ATP7A: variants seen among roughly 807,000 people sequenced by gnomAD.
The protein encoded by ATP7A is ATPase copper transporting alpha.
Under a neutral mutation model 83.5 loss-of-function variants are expected in ATP7A, and 7 were observed. The ratio of observed to expected loss-of-function variants is 0.08; its 90% confidence interval spans 0.05 to 0.16. ATP7A has a LOEUF of 0.16. Ranked by LOEUF, ATP7A falls within the 10% of genes least tolerant of loss-of-function variation. ATP7A has a pLI of 1.00. For missense variants in ATP7A, 940 were observed against 1,120.8 expected, an observed-to-expected ratio of 0.84 and a Z score of 2.30; for synonymous variants, 354 against 395.2, an observed-to-expected ratio of 0.90 and a Z score of 1.24.
chrX:77,953,188 TAGAAGTAAATTTGTCTTAGA>T (rs1346762828), intron 1 of ATP7A, among the ~76,000 whole-genome samples: 4 of 112,409 alleles, frequency 3.6e-5, no homozygotes, highest in Non-Finnish European at 7.5e-5. Flanking sequence ...TATTTTGTCT[TAGAAGTAAATTTGTCTTAGA>T]AGAAAGCAAT....
chrX:78,044,083 C>T lies in ATP7A; in HGVS notation c.4123+649C>T, dbSNP rs1015782571. ...CAGCCTGACCAACATGGAGAAACCC[C>T]GTCTCTACTAAAAATACAAAATTAG... On this transcript the variant is annotated intron_variant, in intron 21 of 22. Transcript: ENST00000341514. Among the ~76,000 whole-genome samples, 22 of 106,647 alleles carry T rather than the reference C, an allele frequency of 2.1e-4. No individual in the cohort carries two copies. In the East Asian group the frequency reaches 6.7e-3, roughly 32 times the overall value. The allele number at this position is 106,647 out of a possible 115,157, so 92.6% of individuals were successfully genotyped here.
chrX:77,926,334 ATATT>A (rs1179357329), intron 1 of ATP7A, among the ~76,000 whole-genome samples: 2 of 111,581 alleles, frequency 1.8e-5, no homozygotes, highest in African/African-American at 6.5e-5. Context: ...AATCTAGTCA[ATATT>A]TATTTATTTA....
chrX:77,949,165 CA>C lies in ATP7A; in HGVS notation c.-21-22455del, dbSNP rs782376353. The stretch of plus-strand genomic sequence containing the variant: ...TTGGCCTCCCAAAATGCTAGGATTA[CA>C]GGCGTGAGCCACTGCGCCCGGCCTT... On this transcript the variant is annotated intron_variant, in intron 1 of 22. Coordinates refer to ENST00000341514, the MANE Select transcript of ATP7A (RefSeq NM_000052.7). Among the ~76,000 whole-genome samples, 3 of 112,017 alleles carry C rather than the reference CA, an allele frequency of 2.7e-5. No homozygotes were observed. In the South Asian group the frequency reaches 1.1e-3, roughly 41 times the overall value.
intron 7 of ATP7A, among the ~76,000 whole-genome samples, chrX:78,010,812 T>C (rs144809879): frequency 0.051 from 5,533 of 109,395 alleles, 148 homozygotes; most frequent in Non-Finnish European, 0.079. Context: ...AACTCCTGAC[T>C]TTGTGATTTG....
chrX:78,013,130 G>A lies in ATP7A; in HGVS notation c.2406+18G>A, dbSNP rs1243579823. On this transcript the variant is annotated intron_variant, in intron 10 of 22. Coordinates refer to ENST00000341514, the MANE Select transcript of ATP7A (RefSeq NM_000052.7). ...TAGCAAAGGTAAAGTAAGAAAGGGT[G>A]ACATTTGTTAAAATGTTGGGTGGAT... The A allele has an allele frequency of 3.2e-5, 37 of 1,174,356 alleles. No homozygotes were observed. The highest frequency in any genetic ancestry group is 3.9e-5 in the Non-Finnish European group (34 of 862,892).
intron 1 of ATP7A, among the ~76,000 whole-genome samples, chrX:77,937,190 T>C (rs1441257326): frequency 3.6e-5 from 4 of 112,413 alleles, no homozygotes; most frequent in African/African-American, 1.3e-4. Flanking sequence ...TATATGGTGG[T>C]AGGAGGTATT....
chrX:77,939,033 C>T (rs782515633), intron 1 of ATP7A, among the ~76,000 whole-genome samples: 37 of 111,680 alleles, frequency 3.3e-4, no homozygotes, highest in Middle Eastern at 4.6e-3. Context: ...TGGTGGCTCA[C>T]ACCTGTAATC....
intron 12 of ATP7A, among the ~76,000 whole-genome samples, chrX:78,017,437 A>T (rs1269957125): frequency 8.9e-6 from 1 of 112,215 alleles, no homozygotes; most frequent in Admixed American, 9.5e-5. Flanking sequence ...GGCGATTAAC[A>T]TTTGGCTCCT....
intron 1 of ATP7A, among the ~76,000 whole-genome samples, chrX:77,931,374 T>C: frequency 8.9e-6 from 1 of 111,798 alleles, no homozygotes; most frequent in Non-Finnish European, 1.9e-5. Context: ...AGAATTTTTC[T>C]TAGTACGGAA....
intron 6 of ATP7A, 147 bp from the exon 7 acceptor site, chrX:78,008,955 G>A: frequency 1.8e-6 from 1 of 566,173 alleles, no homozygotes; most frequent in Non-Finnish European, 2.9e-6. Flanking sequence ...GGCGGAGGTT[G>A]CAGTGAGCCG....
chrX:77,950,285 A>G (rs1243350733), intron 1 of ATP7A, among the ~76,000 whole-genome samples: 1 of 112,030 alleles, frequency 8.9e-6, no homozygotes, highest in Non-Finnish European at 1.9e-5. Context: ...CCTTCCTCCC[A>G]CAACACACAT....
chrX:78,009,032 A>G, intron 6 of ATP7A, 70 bp from the exon 7 acceptor site: 1 of 1,106,842 alleles, frequency 9.0e-7, no homozygotes, highest in East Asian at 3.0e-5. Context: ...AAAAAAAAAA[A>G]AAAGTGGTAA....
intron 1 of ATP7A, chrX:77,968,812 G>A: frequency 8.4e-7 from 1 of 1,197,016 alleles, no homozygotes; most frequent in Non-Finnish European, 1.1e-6. Flanking sequence ...CAGGTGGGAG[G>A]GGCAGAGGGA....
In ATP7A at chrX:77,911,849, C is replaced by A. The variant is rs782479649; in HGVS notation, c.-22+1014C>A. ...ATCCCAGCTAGTCGGGAGACTGAGG[C>A]AAGAGGATCGCTTGAACCTGGGAGG... is the stretch of plus-strand genomic sequence containing the variant. On this transcript the variant is annotated intron_variant, in intron 1 of 22. Transcript: ENST00000341514. 1.6e-4 allele frequency among the ~76,000 whole-genome samples: 18 copies of A among 111,918 alleles called. No individual in the cohort carries two copies. The South Asian group carries it at 6.2e-3, about 39-fold the overall frequency.
chrX:78,008,832 G>A (rs1372046157), intron 6 of ATP7A, among the ~76,000 whole-genome samples: 1 of 109,305 alleles, frequency 9.1e-6, no homozygotes, highest in African/African-American at 3.3e-5. Context: ...GGCCAACATG[G>A]TGAAACCCCC....
intron 1 of ATP7A, among the ~76,000 whole-genome samples, chrX:77,911,682 A>T (rs1557221944): frequency 9.1e-6 from 1 of 110,134 alleles, no homozygotes; most frequent in Non-Finnish European, 1.9e-5. Context: ...TGTCTGACAC[A>T]CCTGTAATAC....
At chrX:77,988,773 C>T (rs782049343) in intron 3 of ATP7A, 42 bp downstream of exon 3, 44 of 1,204,727 alleles carry the variant, frequency 3.7e-5, no homozygotes, top group Non-Finnish European at 4.5e-5. Context: ...GCTTAGGTGT[C>T]TGTTTTGATC....
intron 1 of ATP7A, among the ~76,000 whole-genome samples, chrX:77,957,980 G>A (rs1557227603): frequency 9.0e-6 from 1 of 111,188 alleles, no homozygotes; most frequent in Non-Finnish European, 1.9e-5. Flanking sequence ...ACTTGTGGGA[G>A]GCGATTGGAT....
intron 1 of ATP7A, among the ~76,000 whole-genome samples, chrX:77,949,182 G>T (rs1485390222): frequency 9.0e-6 from 1 of 111,699 alleles, no homozygotes; most frequent in Non-Finnish European, 1.9e-5. Flanking sequence ...GAGCCACTGC[G>T]CCCGGCCTTA....
Sources: allele counts gnomAD v4.1 joint callset (sites outside exome capture counted in the v4.1 genomes callset), GRCh38; gene constraint gnomAD v4.1.1; transcripts MANE v1.5; gene names NCBI Gene and HGNC (gene_info 2026-07-23, HGNC 2026-07-21).